The following NOTCH2NLC variants were observed in gnomAD, a reference collection of about 807,000 sequenced individuals.
The protein encoded by NOTCH2NLC is notch 2 N-terminal like C.
NOTCH2NLC carries 4 observed loss-of-function variants against 17.7 expected under a neutral mutation model. The observed-to-expected ratio is 0.23, with a 90% CI of 0.11 to 0.52. The LOEUF is 0.52. NOTCH2NLC is among the 20% of genes least tolerant of loss of function. The pLI, the probability that NOTCH2NLC is intolerant of heterozygous loss-of-function variation, is 0.96. For synonymous variants in NOTCH2NLC, 18 were observed against 86.0 expected (o/e 0.21, Z 4.38); for missense variants, 57 against 207.2 (o/e 0.28, Z 4.45).
At chr1:149,429,410 C>A (rs2084431524) in intron 1 of NOTCH2NLC, among the ~76,000 whole-genome samples, 1 of 149,798 alleles carries the variant, frequency 6.7e-6, no homozygotes, top group Non-Finnish European at 1.5e-5. Flanking sequence ...AGCTTTCTAA[C>A]TCAGTGGCAT....
intron 2 of NOTCH2NLC, among the ~76,000 whole-genome samples, chr1:149,437,077 T>C (rs1359747731): frequency 1.7e-4 from 22 of 128,476 alleles, no homozygotes; most frequent in Non-Finnish European, 3.0e-4. Context: ...ATAAAATAAT[T>C]ACCAGTTCAT....
intron 1 of NOTCH2NLC, among the ~76,000 whole-genome samples, chr1:149,394,997 G>C (rs2084196798): frequency 6.8e-6 from 1 of 147,330 alleles, no homozygotes. Flanking sequence ...TCCATTTTCT[G>C]ATGTTCATTG....
chr1:149,427,276 TC>T (rs2084418472), intron 1 of NOTCH2NLC, among the ~76,000 whole-genome samples: 1 of 148,258 alleles, frequency 6.7e-6, no homozygotes, highest in Non-Finnish European at 1.5e-5. Context: ...TACCCATTGA[TC>T]ATCAGGCCCA....
At chr1:149,462,712 G>A (rs1156503205) in intron 3 of NOTCH2NLC, among the ~76,000 whole-genome samples, 7 of 149,816 alleles carry the variant, frequency 4.7e-5, no homozygotes, top group South Asian at 4.3e-4. Context: ...TAGCAAACTT[G>A]GTGTATCTGT....
At chr1:149,462,061 A>G (rs2084653397) in intron 3 of NOTCH2NLC, among the ~76,000 whole-genome samples, 2 of 139,624 alleles carry the variant, frequency 1.4e-5, no homozygotes, top group African/African-American at 2.7e-5. Flanking sequence ...CAGCACACCA[A>G]CATGGCACAT....
chr1:149,462,106 G>A (rs1456634970), intron 3 of NOTCH2NLC, among the ~76,000 whole-genome samples: 7,818 of 143,588 alleles, frequency 0.054, 353 homozygotes, highest in Middle Eastern at 0.089. Flanking sequence ...TGTTGTGCAC[G>A]TGTACCCTAG....
chr1:149,431,878 G>C (rs2084453209), intron 2 of NOTCH2NLC, among the ~76,000 whole-genome samples: 1 of 139,594 alleles, frequency 7.2e-6, no homozygotes, highest in African/African-American at 2.6e-5. Flanking sequence ...ATGTAGGCTA[G>C]TTCTTGGCTT....
At chr1:149,399,618 G>C in intron 1 of NOTCH2NLC, among the ~76,000 whole-genome samples, 2 of 94,610 alleles carry the variant, frequency 2.1e-5, no homozygotes, top group East Asian at 5.3e-4. Flanking sequence ...TTATTTGCTA[G>C]ATCTTCTTTA....
rs1176322654 is a variant in NOTCH2NLC at position 149,471,625 on chromosome 1, G to A, written c.*7472G>A. ...GTGGTTGTCAGAGACTGCAAGAAGT[G>A]GGGAATTGGAGAGTGACTGCCCATA... On this transcript the variant is annotated 3_prime_UTR_variant, in exon 5 of 5. Coordinates refer to ENST00000650865, the MANE Select transcript of NOTCH2NLC (RefSeq NM_001364013.2). 6.7e-6 allele frequency among the ~76,000 whole-genome samples: 1 copy of A among 149,856 alleles called. No homozygotes were observed. Among genetic ancestry groups the A allele is most frequent in the Admixed American group, 6.7e-5 (1 of 14,936 alleles).
chr1:149,448,624 A>T (rs1193443658), intron 2 of NOTCH2NLC, among the ~76,000 whole-genome samples: 7 of 150,950 alleles, frequency 4.6e-5, no homozygotes, highest in African/African-American at 1.5e-4. Flanking sequence ...CGCTCTCACG[A>T]TGCCTTCTCA....
intron 2 of NOTCH2NLC, among the ~76,000 whole-genome samples, chr1:149,442,132 C>T (rs1312703636): frequency 6.6e-6 from 1 of 150,634 alleles, no homozygotes; most frequent in Non-Finnish European, 1.5e-5. Context: ...CTCAAGAAAA[C>T]AGGCTCTCAT....
intron 1 of NOTCH2NLC, among the ~76,000 whole-genome samples, chr1:149,423,398 A>G (rs1300104285): frequency 1.3e-5 from 2 of 151,478 alleles, no homozygotes; most frequent in Non-Finnish European, 3.0e-5. Flanking sequence ...TGGTCCCAAA[A>G]AATGGAATAC....
At position 149,464,527 on chromosome 1, in the gene NOTCH2NLC, C is replaced by T. The variant is rs2084673451; in HGVS notation, c.*374C>T. 5.4e-6 allele frequency: 1 copy of T among 186,424 alleles called. No individual in the cohort carries two copies. The highest frequency in any genetic ancestry group is 1.1e-5 in the Non-Finnish European group (1 of 89,100). 11.5% of individuals were successfully genotyped at this position (186,424 alleles called of 1,614,324 possible). A position where few individuals can be genotyped will look rare whatever the true frequency, so the allele number is the denominator to read the frequency against. On this transcript the variant is annotated 3_prime_UTR_variant, in exon 5 of 5. Transcript: ENST00000650865. ...TCACTGATACAAGTGTTCTAGAGTG[C>T]ACACACAACCCAAAGATAGAAATAA...
chr1:149,419,479 A>T (rs2101478958), intron 1 of NOTCH2NLC, among the ~76,000 whole-genome samples: 1 of 151,166 alleles, frequency 6.6e-6, no homozygotes, highest in South Asian at 2.1e-4. Flanking sequence ...GAGCAAATAG[A>T]ATGATTGTGA....
chr1:149,390,845 C>A lies in NOTCH2NLC; in HGVS notation c.58C>A (p.Arg20=). The part of the protein sequence containing the change: ...GGGGGGGGGD[R]EDARPAPLCC... ...CGGCGGCGGCGGAGGAGGCGGCGAC[C>A]GAGAAGATGCCCGCCCTGCGCCGCT... The change falls in exon 1 of 5, where the codon CGA becomes AGA. Residue 20 remains arginine (R), a synonymous_variant. Coordinates refer to ENST00000650865, the MANE Select transcript of NOTCH2NLC (RefSeq NM_001364013.2). 2.2e-6 allele frequency: 2 copies of A among 906,810 alleles called. No homozygotes were observed. Among genetic ancestry groups the A allele is most frequent in the Admixed American group, 5.7e-5 (1 of 17,424 alleles). The allele number at this position is 906,810 out of a possible 1,614,324, so 56.2% of individuals were successfully genotyped here.
chr1:149,398,680 C>T (rs1163474836), intron 1 of NOTCH2NLC, among the ~76,000 whole-genome samples: 4 of 151,208 alleles, frequency 2.6e-5, no homozygotes, highest in Non-Finnish European at 5.9e-5. Flanking sequence ...TTCCAGCCAG[C>T]TACGTCGCTC....
intron 1 of NOTCH2NLC, among the ~76,000 whole-genome samples, chr1:149,425,402 C>T (rs1483316163): frequency 2.6e-5 from 4 of 151,020 alleles, no homozygotes; most frequent in East Asian, 1.9e-4. Flanking sequence ...CACAGACATG[C>T]GTGGAGGAAT....
chr1:149,471,274 T>A lies in NOTCH2NLC; in HGVS notation c.*7121T>A, dbSNP rs1376673998. Among the ~76,000 whole-genome samples the A allele has an allele frequency of 6.6e-6, 1 of 151,164 alleles. No individual in the cohort carries two copies. Among genetic ancestry groups the A allele is most frequent in the Non-Finnish European group, 1.5e-5 (1 of 67,604 alleles). On this transcript the variant is annotated 3_prime_UTR_variant, in exon 5 of 5. Coordinates refer to ENST00000650865, the MANE Select transcript of NOTCH2NLC (RefSeq NM_001364013.2). ...AGATATTTTCTGTCATTCTATGTAC[T>A]GTCTTTTCACATTCTTGATGATATA...
chr1:149,461,971 G>T (rs1392441460), intron 3 of NOTCH2NLC, among the ~76,000 whole-genome samples: 3 of 135,430 alleles, frequency 2.2e-5, no homozygotes, highest in African/African-American at 8.3e-5. Context: ...ATCACAAACC[G>T]GGGCCTGTCG....
Sources: allele counts gnomAD v4.1 joint callset (sites outside exome capture counted in the v4.1 genomes callset), GRCh38; gene constraint gnomAD v4.1.1; transcripts MANE v1.5; gene names NCBI Gene and HGNC (gene_info 2026-07-23, HGNC 2026-07-21).